The following AMBRA1 variants were observed in gnomAD, a reference collection of about 807,000 sequenced individuals.
The protein encoded by AMBRA1 is autophagy and beclin 1 regulator 1.
A neutral mutation model predicts 125.4 loss-of-function variants in AMBRA1; 47 were observed. The observed-to-expected ratio is 0.37, with a 90% CI of 0.30 to 0.48. The LOEUF is 0.48. Ranked by LOEUF, AMBRA1 falls within the 20% of genes least tolerant of loss-of-function variation. The pLI, the probability that AMBRA1 is intolerant of heterozygous loss-of-function variation, is 0.99. For missense variants in AMBRA1, 1,331 were observed against 1,693.4 expected (o/e 0.79, Z 3.76); for synonymous variants, 626 against 655.5 (o/e 0.95, Z 0.69).
chr11:46,547,691 G>A, intron 3 of AMBRA1, 126 bp downstream of exon 3: 1 of 894,098 alleles, frequency 1.1e-6, no homozygotes, highest in South Asian at 1.6e-5. Flanking sequence ...TCCGACACGG[G>A]GCCAAAGTGC....
intron 11 of AMBRA1, among the ~76,000 whole-genome samples, chr11:46,445,556 G>C (rs1948243512): frequency 6.6e-6 from 1 of 152,128 alleles, no homozygotes; most frequent in South Asian, 2.1e-4. Context: ...TTTATTAAAA[G>C]GAACTTTCTT....
chr11:46,454,764 T>TA (rs1948778169), intron 11 of AMBRA1, among the ~76,000 whole-genome samples: 1 of 140,826 alleles, frequency 7.1e-6, no homozygotes, highest in Admixed American at 7.0e-5. Context: ...AAAATAAAAA[T>TA]AAAAAAAGAA....
chr11:46,427,074 A>G (rs778880290), intron 14 of AMBRA1, among the ~76,000 whole-genome samples: 1 of 151,786 alleles, frequency 6.6e-6, no homozygotes, highest in Non-Finnish European at 1.5e-5. Flanking sequence ...GATGATTAGG[A>G]CTATATTATA....
At chr11:46,463,713 G>T (rs1949199924) in intron 11 of AMBRA1, among the ~76,000 whole-genome samples, 1 of 152,170 alleles carries the variant, frequency 6.6e-6, no homozygotes, top group Non-Finnish European at 1.5e-5. Flanking sequence ...CTCCAGGAAA[G>T]CACCCAACTT....
chr11:46,512,136 G>A (rs112900064), intron 8 of AMBRA1, among the ~76,000 whole-genome samples: 320 of 152,296 alleles, frequency 2.1e-3, no homozygotes, highest in Non-Finnish European at 3.3e-3. Context: ...GATTACAGGC[G>A]TGAGCCACCA....
chr11:46,496,910 G>A (rs1179805243), intron 9 of AMBRA1, among the ~76,000 whole-genome samples: 1 of 151,398 alleles, frequency 6.6e-6, no homozygotes, highest in Non-Finnish European at 1.5e-5. Context: ...TTAGAAGTTC[G>A]AGACCAGCCT....
At chr11:46,435,623 G>C (rs1947679458) in intron 12 of AMBRA1, among the ~76,000 whole-genome samples, 1 of 152,228 alleles carries the variant, frequency 6.6e-6, no homozygotes, top group Non-Finnish European at 1.5e-5. Context: ...TCTACCAAGA[G>C]AGGAAACAGA....
At chr11:46,460,427 T>G (rs1231085875) in intron 11 of AMBRA1, among the ~76,000 whole-genome samples, 1 of 151,870 alleles carries the variant, frequency 6.6e-6, no homozygotes, top group Non-Finnish European at 1.5e-5. Context: ...GTTCCCACCA[T>G]TCTCCTGCCT....
At chr11:46,486,304 T>C (rs1186076881) in intron 11 of AMBRA1, among the ~76,000 whole-genome samples, 1 of 152,192 alleles carries the variant, frequency 6.6e-6, no homozygotes, top group African/African-American at 2.4e-5. Context: ...AGAAATATTA[T>C]TCATTTCTGT....
In AMBRA1 at chr11:46,490,308, T is replaced by C. The variant is rs574600816; in HGVS notation, c.2521+3300A>G. On this transcript the variant is annotated intron_variant, in intron 11 of 17. Coordinates refer to ENST00000683756, the MANE Select transcript of AMBRA1 (RefSeq NM_001387011.1). ...GGGAAAGGCCTGGGTTGATGACCAATTGGAGGCTACCAGAAACCTACAGAA... is the reference window on the plus strand; with the variant it reads ...GGGAAAGGCCTGGGTTGATGACCAACTGGAGGCTACCAGAAACCTACAGAA... 8.5e-5 allele frequency among the ~76,000 whole-genome samples: 13 copies of C among 152,278 alleles called. 1 individual carries two copies. Among genetic ancestry groups the C allele is most frequent in the South Asian group, 8.3e-4 (4 of 4,816 alleles).
At chr11:46,527,476 T>TC (rs1591035637) in intron 7 of AMBRA1, among the ~76,000 whole-genome samples, 1 of 10,028 alleles carries the variant, frequency 1.0e-4, no homozygotes, top group East Asian at 1.2e-3. Flanking sequence ...TGAGACTGTC[T>TC]CAAAAAAAAA....
At chr11:46,525,924 G>A (rs1449895162) in intron 7 of AMBRA1, among the ~76,000 whole-genome samples, 1 of 151,914 alleles carries the variant, frequency 6.6e-6, no homozygotes, top group African/African-American at 2.4e-5. Flanking sequence ...AAAAGAAATA[G>A]GCTAGGTGCG....
At chr11:46,554,975 G>A (rs1188919938) in intron 1 of AMBRA1, among the ~76,000 whole-genome samples, 1 of 152,130 alleles carries the variant, frequency 6.6e-6, no homozygotes, top group Non-Finnish European at 1.5e-5. Flanking sequence ...GGGAGGCCAA[G>A]GTGGGAAGGT....
At chr11:46,508,007 T>C (rs1261784955) in intron 9 of AMBRA1, among the ~76,000 whole-genome samples, 184 bp downstream of exon 9, 1 of 152,232 alleles carries the variant, frequency 6.6e-6, no homozygotes, top group African/African-American at 2.4e-5. Context: ...GCAAAGCAAC[T>C]GCCAGAGGTG....
At chr11:46,585,386 C>T (rs2044333179) in intron 1 of AMBRA1, among the ~76,000 whole-genome samples, 1 of 145,908 alleles carries the variant, frequency 6.9e-6, no homozygotes, top group African/African-American at 2.5e-5. Flanking sequence ...AAAAAAAAAA[C>T]GCTGGGCATG....
At chr11:46,580,547 G>C (rs1049351299) in intron 1 of AMBRA1, among the ~76,000 whole-genome samples, 5 of 152,062 alleles carry the variant, frequency 3.3e-5, no homozygotes, top group African/African-American at 1.2e-4. Context: ...AGATGCTCAG[G>C]CCAAAAATCT....
At chr11:46,412,035 T>G (rs1250717305) in intron 15 of AMBRA1, among the ~76,000 whole-genome samples, 1 of 152,164 alleles carries the variant, frequency 6.6e-6, no homozygotes, top group East Asian at 1.9e-4. Context: ...TTCTTTTCAC[T>G]GCGCTGTAGT....
chr11:46,424,669 G>C (rs1947025763), intron 14 of AMBRA1, among the ~76,000 whole-genome samples: 1 of 152,038 alleles, frequency 6.6e-6, no homozygotes, highest in Non-Finnish European at 1.5e-5. Flanking sequence ...TGACATAGCA[G>C]GATCTGTGTG....
chr11:46,546,727 A>T (rs1198652585), intron 4 of AMBRA1, among the ~76,000 whole-genome samples: 1 of 152,192 alleles, frequency 6.6e-6, no homozygotes, highest in African/African-American at 2.4e-5. Flanking sequence ...GAATCTGGCT[A>T]GGCTCTTCCA....
Sources: allele counts gnomAD v4.1 joint callset (sites outside exome capture counted in the v4.1 genomes callset), GRCh38; gene constraint gnomAD v4.1.1; transcripts MANE v1.5; gene names NCBI Gene and HGNC (gene_info 2026-07-23, HGNC 2026-07-21).